KBTBD11: variants seen among roughly 807,000 people sequenced by gnomAD.
KBTBD11 encodes kelch repeat and BTB domain-containing protein 11.
For missense variants in KBTBD11, 1,390 were observed against 1,001.8 expected (o/e 1.39, Z -5.23); for synonymous variants, 747 against 499.0 (o/e 1.50, Z -6.63).
At chr8:1,981,692 G>C (rs1218538218) in intron 1 of KBTBD11, among the ~76,000 whole-genome samples, 1 of 152,180 alleles carries the variant, frequency 6.6e-6, no homozygotes, top group Non-Finnish European at 1.5e-5. Context: ...TTCTTTCTCT[G>C]CCTCTCCCAC....
intron 1 of KBTBD11, among the ~76,000 whole-genome samples, chr8:1,993,922 TAC>T (rs57317862): frequency 0.2 from 28,511 of 139,622 alleles, 2,923 homozygotes; most frequent in African/African-American, 0.22. Flanking sequence ...CAATACCCCC[TAC>T]ACACACACAC....
intron 1 of KBTBD11, among the ~76,000 whole-genome samples, chr8:1,994,059 C>A (rs1384373644): frequency 6.6e-6 from 1 of 152,016 alleles, no homozygotes; most frequent in Non-Finnish European, 1.5e-5. Context: ...GAGTTGGGAG[C>A]AGATTGCTCA....
intron 1 of KBTBD11, chr8:1,975,362 T>G (rs1054383608): frequency 6.6e-6 from 1 of 152,276 alleles, no homozygotes; most frequent in African/African-American, 2.4e-5. Flanking sequence ...TTCGGATCAA[T>G]TACAGACCGC....
chr8:2,001,869 C>A lies in KBTBD11; in HGVS notation c.677C>A (p.Ala226Asp), dbSNP rs1264811864. Residue 226 changes from alanine (A) to aspartate (D), a missense_variant, in exon 2 of 2, where the codon GCC becomes GAC. Ala to Asp is a moderately radical substitution (Grantham distance 126). Coordinates refer to ENST00000320248, the MANE Select transcript of KBTBD11 (RefSeq NM_014867.3). The part of the protein sequence containing the change: ...LPGAAQRATD[A>D]VGPQLSLANC... ...GGCGCCGCGCAGCGCGCCACCGACGCCGTGGGGCCGCAGCTGAGCCTGGCC... is the reference window on the plus strand; with the variant it reads ...GGCGCCGCGCAGCGCGCCACCGACGACGTGGGGCCGCAGCTGAGCCTGGCC... The A allele has an allele frequency of 7.5e-7, 1 of 1,326,790 alleles. No homozygotes were observed. The highest frequency in any genetic ancestry group is 9.7e-7 in the Non-Finnish European group (1 of 1,028,258). 82.2% of individuals were successfully genotyped at this position (1,326,790 alleles called of 1,614,324 possible).
At chr8:1,983,527 C>T (rs914369097) in intron 1 of KBTBD11, among the ~76,000 whole-genome samples, 1 of 152,196 alleles carries the variant, frequency 6.6e-6, no homozygotes, top group Non-Finnish European at 1.5e-5. Context: ...GCTGCATGAC[C>T]TCATGATGCA....
intron 1 of KBTBD11, among the ~76,000 whole-genome samples, chr8:1,998,293 C>G (rs1298915238): frequency 6.6e-6 from 1 of 152,210 alleles, no homozygotes; most frequent in Non-Finnish European, 1.5e-5. Context: ...AGATGGGTCC[C>G]TCGCTGTTGG....
chr8:1,982,573 G>A (rs146171805), intron 1 of KBTBD11, among the ~76,000 whole-genome samples: 20 of 152,182 alleles, frequency 1.3e-4, no homozygotes, highest in African/African-American at 4.6e-4. Context: ...GATACTCCAC[G>A]CAAATTGAAA....
chr8:2,000,118 T>C (rs1288259988), intron 1 of KBTBD11, among the ~76,000 whole-genome samples, 167 bp from the exon 2 acceptor site: 1 of 152,206 alleles, frequency 6.6e-6, no homozygotes. Flanking sequence ...TAATTCTGCA[T>C]GTCCTATTCA....
rs1397865075 is a variant in KBTBD11 at position 2,001,574 on chromosome 8, C to T, written c.382C>T (p.Pro128Ser). The change falls in exon 2 of 2, where the codon CCC becomes TCC. Residue 128 changes from proline to serine, a missense_variant. By Grantham distance (74) the Pro-to-Ser change is moderately conservative (BLOSUM62 -1). Transcript: ENST00000320248. ...ASPEEPGEPA[P>S]VPPGFGAVYG... ...CCCCGAGGAGCCCGGGGAGCCCGCG[C>T]CCGTACCCCCGGGGTTCGGGGCGGT... The T allele has an allele frequency of 6.9e-6, 10 of 1,447,824 alleles. No individual in the cohort carries two copies. Among genetic ancestry groups the T allele is most frequent in the Middle Eastern group, 4.8e-4 (2 of 4,126 alleles). The allele number at this position is 1,447,824 out of a possible 1,614,324, so 89.7% of individuals were successfully genotyped here.
At chr8:1,997,312 G>A (rs561226033) in intron 1 of KBTBD11, among the ~76,000 whole-genome samples, 43 of 152,068 alleles carry the variant, frequency 2.8e-4, no homozygotes, top group East Asian at 3.9e-4. Flanking sequence ...CAGTCACCGC[G>A]GTTGCTGATG....
At chr8:1,976,089 C>A (rs1024972236) in intron 1 of KBTBD11, 9 of 152,322 alleles carry the variant, frequency 5.9e-5, no homozygotes, top group African/African-American at 2.2e-4. Flanking sequence ...GCTGCAGTGC[C>A]TCTAAGCCTC....
intron 1 of KBTBD11, among the ~76,000 whole-genome samples, chr8:1,983,553 G>T (rs1292780496): frequency 2.0e-5 from 3 of 152,138 alleles, no homozygotes; most frequent in Admixed American, 1.3e-4. Context: ...TCTGCTTTTG[G>T]TCTTCACTAG....
At chr8:1,985,214 G>A (rs1451868053) in intron 1 of KBTBD11, among the ~76,000 whole-genome samples, 1 of 152,258 alleles carries the variant, frequency 6.6e-6, no homozygotes, top group South Asian at 2.1e-4. Context: ...GCTCTTACAG[G>A]AGAGCACCTC....
At chr8:1,998,372 T>A (rs1817220179) in intron 1 of KBTBD11, among the ~76,000 whole-genome samples, 1 of 152,166 alleles carries the variant, frequency 6.6e-6, no homozygotes, top group African/African-American at 2.4e-5. Context: ...TAATTGTAGT[T>A]ATAACAAAAT....
intron 1 of KBTBD11, among the ~76,000 whole-genome samples, chr8:1,982,973 A>C (rs1585726787): frequency 1.3e-5 from 2 of 152,080 alleles, no homozygotes; most frequent in African/African-American, 4.8e-5. Flanking sequence ...TGATCTACTC[A>C]CCTTGGCCTC....
rs866352082 is a variant in KBTBD11, at chr8:2,002,477, G to A, written c.1285G>A (p.Asp429Asn). ...GECLLSVERY[D>N]PRADRWAPVA... ...GTGCCTGCTCAGCGTGGAGCGCTACGACCCGCGCGCCGACCGCTGGGCCCC... is the reference window on the plus strand; with the variant it reads ...GTGCCTGCTCAGCGTGGAGCGCTACAACCCGCGCGCCGACCGCTGGGCCCC... The change falls in exon 2 of 2, where the codon GAC becomes AAC. Residue 429 changes from aspartate (D) to asparagine (N), a missense_variant. Physicochemically the swap from Asp to Asn is conservative, Grantham distance 23. Coordinates refer to ENST00000320248, the MANE Select transcript of KBTBD11 (RefSeq NM_014867.3). This position sits in a 1 kb window ranked among gnomAD's most constrained non-coding sequence, Gnocchi z 4.1. The A allele has an allele frequency of 6.6e-7, 1 of 1,510,126 alleles. No individual in the cohort carries two copies. The highest frequency in any genetic ancestry group is 8.8e-7 in the Non-Finnish European group (1 of 1,137,430). The allele number at this position is 1,510,126 out of a possible 1,614,324, so 93.5% of individuals were successfully genotyped here.
Position 2,004,344 on chromosome 8 carries a change from T to G in KBTBD11, c.*1280T>G. 1 of 167,010 alleles carries G rather than the reference T, an allele frequency of 6.0e-6. No homozygotes were observed. The allele number at this position is 167,010 out of a possible 1,614,324, so 10.3% of individuals were successfully genotyped here. A position where few individuals can be genotyped will look rare whatever the true frequency, so the allele number is the denominator to read the frequency against. On this transcript the variant is annotated 3_prime_UTR_variant, in exon 2 of 2. Transcript: ENST00000320248. ...AGTGTGTATACAGAGGACTTACTATTATGACTTTGAGGATGAGATCCATGC... is the reference window on the plus strand; with the variant it reads ...AGTGTGTATACAGAGGACTTACTATGATGACTTTGAGGATGAGATCCATGC...
At chr8:1,975,566 G>A (rs1319208206) in intron 1 of KBTBD11, among the ~76,000 whole-genome samples, 1 of 152,250 alleles carries the variant, frequency 6.6e-6, no homozygotes, top group African/African-American at 2.4e-5. Flanking sequence ...CCGCCTAGGT[G>A]TGTAGGTGCC....
At chr8:1,992,638 A>G (rs1279744594) in intron 1 of KBTBD11, among the ~76,000 whole-genome samples, 3 of 151,888 alleles carry the variant, frequency 2.0e-5, no homozygotes, top group African/African-American at 7.3e-5. Flanking sequence ...CCCCATCCTT[A>G]TTTTCATACT....
Sources: gnomAD v4.1 joint callset for allele counts (sites outside exome capture counted in the v4.1 genomes callset) on GRCh38, gnomAD v4.1.1 for gene constraint, Gnocchi (gnomAD v3.1) non-coding constraint, MANE v1.5 for transcripts, NCBI Gene and HGNC (gene_info 2026-07-23, HGNC 2026-07-21) for gene names.